The following PERP variants were observed in gnomAD, a reference collection of about 807,000 sequenced individuals.
The protein encoded by PERP is p53 apoptosis effector related to PMP22.
A neutral mutation model predicts 20.3 loss-of-function variants in PERP; 11 were observed. That is an observed-to-expected ratio of 0.54 (90% CI 0.34 to 0.90). PERP has a LOEUF of 0.90. Among genes scored for constraint, PERP ranks in the 40% least tolerant of loss-of-function variants. The pLI is 0.02. For synonymous variants in PERP, 101 were observed against 102.0 expected (o/e 0.99, Z 0.06); for missense variants, 224 against 249.4 (o/e 0.90, Z 0.69).
intron 1 of PERP, among the ~76,000 whole-genome samples, chr6:138,098,048 G>A (rs369517186): frequency 7.9e-5 from 12 of 152,180 alleles, no homozygotes; most frequent in African/African-American, 1.7e-4. Flanking sequence ...GGTATGATGC[G>A]GTTTGTCATG....
Position 138,092,117 on chromosome 6 carries a change from G to C in PERP, c.507C>G (p.Phe169Leu), listed in dbSNP as rs374267506. ...ATIILIGCAF[F>L]FCCLPNYEDD... ...CTTCGTAGTTGGGGAGGCAGCAGAA[G>C]AAGAAGGCACAGCCAATCAGGATAA... Residue 169 changes from phenylalanine to leucine, a missense_variant, in exon 3 of 3, where the codon TTC (phenylalanine) becomes TTG (leucine). Physicochemically the swap from Phe to Leu is conservative, Grantham distance 22 (BLOSUM62 0). Transcript: ENST00000421351. 2 of 1,613,992 alleles carry C rather than the reference G, an allele frequency of 1.2e-6. No homozygotes were observed. The highest frequency in any genetic ancestry group is 2.7e-5 in the African/African-American group (2 of 74,918).
chr6:138,100,774 T>C (rs1775759193), intron 1 of PERP, among the ~76,000 whole-genome samples: 1 of 152,222 alleles, frequency 6.6e-6, no homozygotes, highest in Admixed American at 6.5e-5. Flanking sequence ...TTAGAAAAGC[T>C]CATGTAATCA....
At chr6:138,106,532 G>C (rs1775843833) in intron 1 of PERP, among the ~76,000 whole-genome samples, 1 of 152,224 alleles carries the variant, frequency 6.6e-6, no homozygotes, top group Non-Finnish European at 1.5e-5. Flanking sequence ...AAACAACAAT[G>C]CCATGCTTAA....
chr6:138,099,514 T>A (rs552809233), intron 1 of PERP, among the ~76,000 whole-genome samples: 5 of 152,334 alleles, frequency 3.3e-5, no homozygotes, highest in African/African-American at 1.2e-4. Flanking sequence ...AATCATTGCA[T>A]AGGAGAATGT....
At chr6:138,093,958 T>C (rs1775633604) in intron 2 of PERP, among the ~76,000 whole-genome samples, 1 of 152,182 alleles carries the variant, frequency 6.6e-6, no homozygotes, top group Non-Finnish European at 1.5e-5. Context: ...AACACTAGGT[T>C]AAGCCGACTG....
At chr6:138,103,504 G>A (rs1423609040) in intron 1 of PERP, among the ~76,000 whole-genome samples, 3 of 152,110 alleles carry the variant, frequency 2.0e-5, no homozygotes, top group African/African-American at 7.2e-5. Flanking sequence ...AAAACCACAA[G>A]GGCATAATCT....
intron 1 of PERP, among the ~76,000 whole-genome samples, chr6:138,098,925 T>C (rs1775735083): frequency 1.3e-5 from 2 of 152,184 alleles, no homozygotes; most frequent in African/African-American, 2.4e-5. Flanking sequence ...AATGGGAATG[T>C]TTTATTTTAA....
intron 1 of PERP, among the ~76,000 whole-genome samples, chr6:138,102,958 G>A (rs1315213800): frequency 6.6e-6 from 1 of 151,704 alleles, no homozygotes; most frequent in East Asian, 2.0e-4. Flanking sequence ...AATTAGCCGG[G>A]CGTGGTGGCG....
intron 2 of PERP, among the ~76,000 whole-genome samples, chr6:138,094,607 T>A (rs1379702605): frequency 6.6e-6 from 1 of 152,216 alleles, no homozygotes; most frequent in African/African-American, 2.4e-5. Context: ...GGGTTACAAG[T>A]ATCTTCAAGT....
rs1219136778 is a variant in PERP at position 138,090,932 on chromosome 6, C to G, written c.*1110G>C. On this transcript the variant is annotated 3_prime_UTR_variant, in exon 3 of 3. Transcript: ENST00000421351. ...TGGTAAAAAATCATAATGACCTATC[C>G]GATGCATCATATATATGCTATTCAG... is the stretch of plus-strand genomic sequence containing the variant. 4.6e-5 allele frequency: 7 copies of G among 152,546 alleles called. No individual in the cohort carries two copies. The highest frequency in any genetic ancestry group is 1.7e-4 in the African/African-American group (7 of 41,406). 9.4% of individuals were successfully genotyped at this position (152,546 alleles called of 1,614,324 possible).
At position 138,107,355 on chromosome 6, in the gene PERP, C is replaced by G. The variant is rs1227943614; in HGVS notation, c.-15G>C. ...CAGCGGATCATGTTGACGGGCGGCG[C>G]GGGGCCGAGCGGAGCGGAGCGGAGC... On this transcript the variant is annotated 5_prime_UTR_variant, in exon 1 of 3. Coordinates refer to ENST00000421351, the MANE Select transcript of PERP (RefSeq NM_022121.5). This position sits in a 1 kb window ranked among gnomAD's most constrained non-coding sequence, Gnocchi z 4.8. The G allele has an allele frequency of 6.4e-7, 1 of 1,573,338 alleles. No homozygotes were observed. Among genetic ancestry groups the G allele is most frequent in the Non-Finnish European group, 8.6e-7 (1 of 1,165,428 alleles).
At chr6:138,102,691 C>T (rs546577969) in intron 1 of PERP, among the ~76,000 whole-genome samples, 1 of 152,124 alleles carries the variant, frequency 6.6e-6, no homozygotes, top group Admixed American at 6.5e-5. Flanking sequence ...GGGTCTTAAA[C>T]GTTCTAGATG....
At chr6:138,101,785 A>G (rs1775777532) in intron 1 of PERP, among the ~76,000 whole-genome samples, 1 of 152,050 alleles carries the variant, frequency 6.6e-6, no homozygotes, top group African/African-American at 2.4e-5. Context: ...AAATGTAAGC[A>G]TAGGAGAATG....
chr6:138,101,748 A>G (rs2114341887), intron 1 of PERP, among the ~76,000 whole-genome samples: 1 of 152,362 alleles, frequency 6.6e-6, no homozygotes, highest in African/African-American at 2.4e-5. Flanking sequence ...CACAGTTCAA[A>G]AAATTAAAAA....
intron 2 of PERP, among the ~76,000 whole-genome samples, chr6:138,094,674 T>C (rs746300321): frequency 6.6e-6 from 1 of 152,164 alleles, no homozygotes; most frequent in African/African-American, 2.4e-5. Context: ...GGTCATATAG[T>C]ATTTACTAGG....
At chr6:138,098,393 T>C (rs1406144235) in intron 1 of PERP, among the ~76,000 whole-genome samples, 1 of 152,190 alleles carries the variant, frequency 6.6e-6, no homozygotes, top group African/African-American at 2.4e-5. Context: ...CTGTTGGCCA[T>C]ACTCCAGTCT....
Position 138,106,903 on chromosome 6 carries a change from C to CTTTTTTTTTTTTTTTT in PERP, c.214+223_214+224insAAAAAAAAAAAAAAAA, listed in dbSNP as rs577977770. Reference sequence around the variant, plus strand: ...AAAACTATACAGTTTGAACTACGGCCTTTTTTTTTTTTCTGTTTCTGAGCT... The same window carrying CTTTTTTTTTTTTTTTT: ...AAAACTATACAGTTTGAACTACGGCCTTTTTTTTTTTTTTTTTTTTTTTTTTTTCTGTTTCTGAGCT... On this transcript the variant is annotated intron_variant, in intron 1 of 2. Coordinates refer to ENST00000421351, the MANE Select transcript of PERP (RefSeq NM_022121.5). 2.9e-3 allele frequency among the ~76,000 whole-genome samples: 396 copies of CTTTTTTTTTTTTTTTT among 134,330 alleles called. 10 individuals carry two copies. Among genetic ancestry groups the CTTTTTTTTTTTTTTTT allele is most frequent in the African/African-American group, 8.5e-3 (306 of 35,858 alleles). The allele number at this position is 134,330 out of a possible 152,430, so 88.1% of individuals were successfully genotyped here.
rs1307887506 is a variant in PERP at position 138,091,241 on chromosome 6, C to A, written c.*801G>T. 1.3e-5 allele frequency: 2 copies of A among 152,128 alleles called. No homozygotes were observed. The highest frequency in any genetic ancestry group is 3.8e-4 in the East Asian group (2 of 5,200). 9.4% of individuals were successfully genotyped at this position (152,128 alleles called of 1,614,324 possible). A position where few individuals can be genotyped will look rare whatever the true frequency, so the allele number is the denominator to read the frequency against. On this transcript the variant is annotated 3_prime_UTR_variant, in exon 3 of 3. Coordinates refer to ENST00000421351, the MANE Select transcript of PERP (RefSeq NM_022121.5). ...ATCTATCAGTCATGATAAATTAGAC[C>A]CAGTCCATCTTTCAATCCAGTCTAC...
intron 1 of PERP, among the ~76,000 whole-genome samples, chr6:138,097,473 TA>T (rs200858731): frequency 0.015 from 2,259 of 152,302 alleles, 22 homozygotes; most frequent in Non-Finnish European, 0.021. Context: ...TTTTTATTTT[TA>T]TATATATTTT....
Sources: gnomAD v4.1 joint callset for allele counts (sites outside exome capture counted in the v4.1 genomes callset) on GRCh38, gnomAD v4.1.1 for gene constraint, Gnocchi (gnomAD v3.1) non-coding constraint, MANE v1.5 for transcripts, NCBI Gene and HGNC (gene_info 2026-07-23, HGNC 2026-07-21) for gene names.